Variants in MAP4K2 observed in about 807,000 individuals in gnomAD.
MAP4K2 encodes the protein mitogen-activated protein kinase kinase kinase kinase 2.
In MAP4K2, 85 loss-of-function variants were observed where a neutral mutation model predicts 125.3. The observed-to-expected ratio is 0.68, with a 90% CI of 0.57 to 0.81. MAP4K2 has a LOEUF of 0.81. Ranked by LOEUF, MAP4K2 falls within the 40% of genes least tolerant of loss-of-function variation. The pLI is 0.00. For missense variants in MAP4K2, 923 were observed against 1,056.4 expected (o/e 0.87, Z 1.75); for synonymous variants, 479 against 445.1 (o/e 1.08, Z -0.96).
At chr11:64,797,991 C>A (rs1409766376) in intron 15 of MAP4K2, among the ~76,000 whole-genome samples, 3 of 150,914 alleles carry the variant, frequency 2.0e-5, no homozygotes, top group Non-Finnish European at 3.0e-5. Flanking sequence ...AGGCATGAGC[C>A]ACACCCGGGC....
chr11:64,801,168 G>T lies in MAP4K2; in HGVS notation c.473C>A (p.Ser158Ter), dbSNP rs1263134743. Residue 158 changes from serine to a stop codon, truncating the protein, a stop_gained, in exon 8 of 32, where the codon TCA (serine) becomes TAA (stop). Transcript: ENST00000294066. LOFTEE classifies it high-confidence loss of function. The part of the protein sequence containing the change: ...GDVKLADFGV[S>*]GELTASVAKR... Reference sequence around the variant, plus strand: ...GGCCACAGACGCTGTCAGCTCGCCTGACACCCCAAAGTCAGCTGTGGGGAG... The same window carrying T: ...GGCCACAGACGCTGTCAGCTCGCCTTACACCCCAAAGTCAGCTGTGGGGAG... 2.5e-6 allele frequency: 4 copies of T among 1,613,122 alleles called. No homozygotes were observed. The highest frequency in any genetic ancestry group is 3.4e-6 in the Non-Finnish European group (4 of 1,179,918).
In MAP4K2 at chr11:64,803,078, G is replaced by A. The variant is rs1274591580; in HGVS notation, c.72C>T (p.Ala24=). The change falls in exon 1 of 32, where the codon GCC becomes GCT. Residue 24 remains alanine (A), a synonymous_variant. Transcript: ENST00000294066. ...DRFELLQRVG[A]GTYGDVYKAR... is the part of the protein sequence containing the mutation. Reference sequence around the variant, plus strand: ...CCTTGTAGACGTCGCCATAGGTCCCGGCCCCCACGCGCTGCAGCAGCTCGA... The same window carrying A: ...CCTTGTAGACGTCGCCATAGGTCCCAGCCCCCACGCGCTGCAGCAGCTCGA... 2 of 1,602,826 alleles carry A rather than the reference G, an allele frequency of 1.2e-6. No homozygotes were observed. Among genetic ancestry groups the A allele is most frequent in the African/African-American group, 1.3e-5 (1 of 74,352 alleles).
rs1457384465 is a variant in MAP4K2 at position 64,802,873 on chromosome 11, C to T, written c.154+12G>A. 6 of 1,598,914 alleles carry T rather than the reference C, an allele frequency of 3.8e-6. No homozygotes were observed. Among genetic ancestry groups the T allele is most frequent in the South Asian group, 2.2e-5 (2 of 89,312 alleles). Reference sequence around the variant, plus strand: ...CCTTCCTCTGGCGCAGAGGCCCGACCCGGGCCCTCACCTGGGTCTAGCTTG... The same window carrying T: ...CCTTCCTCTGGCGCAGAGGCCCGACTCGGGCCCTCACCTGGGTCTAGCTTG... On this transcript the variant is annotated intron_variant, in intron 2 of 31. Transcript: ENST00000294066.
At chr11:64,802,785 G>T in intron 2 of MAP4K2, 100 bp downstream of exon 2, 1 of 1,468,810 alleles carries the variant, frequency 6.8e-7, no homozygotes, top group Non-Finnish European at 9.3e-7. Context: ...CCCGGGGCAC[G>T]CCTCTCAGGG....
intron 27 of MAP4K2, among the ~76,000 whole-genome samples, chr11:64,790,812 C>T (rs1178240585): frequency 6.6e-6 from 1 of 152,218 alleles, no homozygotes; most frequent in Non-Finnish European, 1.5e-5. Flanking sequence ...CAAGATGGCA[C>T]TGCCTTGAGA....
chr11:64,798,485 A>G (rs987421706), intron 15 of MAP4K2, among the ~76,000 whole-genome samples: 5 of 152,040 alleles, frequency 3.3e-5, no homozygotes, highest in African/African-American at 1.2e-4. Flanking sequence ...TTTTAAGTAG[A>G]GATGGGGTTT....
intron 24 of MAP4K2, among the ~76,000 whole-genome samples, chr11:64,793,853 G>A (rs1940637670): frequency 6.6e-6 from 1 of 152,208 alleles, no homozygotes; most frequent in Non-Finnish European, 1.5e-5. Flanking sequence ...ACCTGTTGGG[G>A]CTCTGATGGG....
chr11:64,802,956 G>A lies in MAP4K2; in HGVS notation c.97-14C>T, dbSNP rs1447646869. 3 of 1,566,960 alleles carry A rather than the reference G, an allele frequency of 1.9e-6. No individual in the cohort carries two copies. Among genetic ancestry groups the A allele is most frequent in the Non-Finnish European group, 2.6e-6 (3 of 1,157,304 alleles). ...CGTGTCGCGGGCCTGCAGGGGCGGA[G>A]GGTGAAGCGGGATGGGGGGCGGGGC... is the stretch of plus-strand genomic sequence containing the variant. On this transcript the variant is annotated splice_polypyrimidine_tract_variant and intron_variant, in intron 1 of 31. Coordinates refer to ENST00000294066, the MANE Select transcript of MAP4K2 (RefSeq NM_004579.5).
At chr11:64,792,335 C>CCCGGG in intron 25 of MAP4K2, 29 bp downstream of exon 25, 1 of 1,520,556 alleles carries the variant, frequency 6.6e-7, no homozygotes, top group Non-Finnish European at 9.0e-7. Context: ...CACCAGGCCC[C>CCCGGG]GCCCCACCCC....
intron 21 of MAP4K2, 42 bp from the exon 22 acceptor site, chr11:64,796,755 T>C (rs1366740146): frequency 6.2e-7 from 1 of 1,613,674 alleles, no homozygotes; most frequent in Non-Finnish European, 8.5e-7. Context: ...ACATGGCCCC[T>C]GGCCCAAGCT....
At chr11:64,795,863 A>G (rs555394101) in intron 24 of MAP4K2, among the ~76,000 whole-genome samples, 72 of 149,896 alleles carry the variant, frequency 4.8e-4, no homozygotes, top group Non-Finnish European at 9.3e-4. Context: ...ACTCATGGGA[A>G]TCCTTGAAAG....
intron 12 of MAP4K2, 35 bp from the exon 13 acceptor site, chr11:64,799,718 G>A (rs1258061106): frequency 1.3e-6 from 2 of 1,575,992 alleles, no homozygotes; most frequent in East Asian, 2.2e-5. Context: ...GACACACCTG[G>A]CACGCGCCTC....
In MAP4K2 at chr11:64,796,431, G is replaced by C. The variant is rs373677919; in HGVS notation, c.1634-41C>G. 4.3e-6 allele frequency: 7 copies of C among 1,613,326 alleles called. No individual in the cohort carries two copies. The African/African-American group carries it at 9.3e-5, about 22-fold the overall frequency. On this transcript the variant is annotated intron_variant, in intron 23 of 31. Transcript: ENST00000294066. ...GAGGCCAGGCCTGGGGTGTTGGTGG[G>C]CAGGATGCTGAGGCGCTGGAGCCCC... is the stretch of plus-strand genomic sequence containing the variant.
chr11:64,799,434 G>A lies in MAP4K2; in HGVS notation c.1040C>T (p.Pro347Leu). 1 of 1,612,724 alleles carries A rather than the reference G, an allele frequency of 6.2e-7. No homozygotes were observed. The highest frequency in any genetic ancestry group is 8.5e-7 in the Non-Finnish European group (1 of 1,179,552). ...FGAPRRKETD[P>L]LNEPWEEEWT... ...CTGCCCACTCACCGGCTCATTCAGT[G>A]GGTCAGTTTCCTTCCTGCGTGGGGC... The change falls in exon 14 of 32, where the codon CCA (proline) becomes CTA (leucine). Residue 347 changes from proline (P) to leucine (L), a missense_variant. Around this residue, in one of 2 missense-constraint regions of MAP4K2, gnomAD observed 833 missense variants for 911.4 expected, o/e 0.91. Coordinates refer to ENST00000294066, the MANE Select transcript of MAP4K2 (RefSeq NM_004579.5).
rs748624939 is a variant in MAP4K2 at position 64,789,729 on chromosome 11, C to A, written c.2375+1G>T. ...GGGGAGGCTAGGGTACCACCGCCTA[C>A]CTGTGGGCCCCAAGCACTCGGAAGA... On this transcript the variant is annotated splice_donor_variant, in intron 31 of 31. Transcript: ENST00000294066. LOFTEE classifies it high-confidence loss of function. 2.5e-6 allele frequency: 4 copies of A among 1,614,114 alleles called. No homozygotes were observed. In the South Asian group the frequency reaches 3.3e-5, roughly 13 times the overall value.
Position 64,801,196 on chromosome 11 carries a change from A to G in MAP4K2, c.458-13T>C, listed in dbSNP as rs756115607. On this transcript the variant is annotated splice_polypyrimidine_tract_variant and intron_variant, in intron 7 of 31. Coordinates refer to ENST00000294066, the MANE Select transcript of MAP4K2 (RefSeq NM_004579.5). ...ACCCCAAAGTCAGCTGTGGGGAGAAACAGCCACTCTCACCAGCCCTCTGGC... is the reference window on the plus strand; with the variant it reads ...ACCCCAAAGTCAGCTGTGGGGAGAAGCAGCCACTCTCACCAGCCCTCTGGC... 1 of 1,610,164 alleles carries G rather than the reference A, an allele frequency of 6.2e-7. No individual in the cohort carries two copies.
At position 64,802,837 on chromosome 11, in the gene MAP4K2, G is replaced by A. The variant is rs566055820; in HGVS notation, c.154+48C>T. ...CCCTCCGCCCGCACCCCGCGCCCGC[G>A]GGCGCTCTGCCCTTCCTCTGGCGCA... On this transcript the variant is annotated intron_variant, in intron 2 of 31. Coordinates refer to ENST00000294066, the MANE Select transcript of MAP4K2 (RefSeq NM_004579.5). 8.3e-6 allele frequency: 13 copies of A among 1,571,476 alleles called. No homozygotes were observed. The East Asian group carries it at 2.1e-4, about 26-fold the overall frequency.
rs1940216649 is a variant in MAP4K2, at chr11:64,786,965, A to G, written c.*2572T>C. On this transcript the variant is annotated 3_prime_UTR_variant, in exon 32 of 32. Transcript: ENST00000294066. ...GCAAAACTCTCCAGGATATATACAT[A>G]TCTTTTCAGGGTGCATGTGATAATT... 1 of 151,672 alleles carries G rather than the reference A, an allele frequency of 6.6e-6. No individual in the cohort carries two copies. Among genetic ancestry groups the G allele is most frequent in the South Asian group, 2.1e-4 (1 of 4,822 alleles). The allele number at this position is 151,672 out of a possible 1,614,324, so 9.4% of individuals were successfully genotyped here.
At chr11:64,790,965 A>G (rs1465660908) in intron 27 of MAP4K2, among the ~76,000 whole-genome samples, 1 of 152,056 alleles carries the variant, frequency 6.6e-6, no homozygotes, top group Admixed American at 6.6e-5. Context: ...GCGAAACCCC[A>G]TTTCTACTAA....
Sources: allele counts gnomAD v4.1 joint callset (sites outside exome capture counted in the v4.1 genomes callset), GRCh38; gene constraint gnomAD v4.1.1; regional missense constraint gnomAD v4.1.1; transcripts MANE v1.5; gene names NCBI Gene and HGNC (gene_info 2026-07-23, HGNC 2026-07-21).